The following PTPRT variants were observed in gnomAD, a reference collection of about 807,000 sequenced individuals.
PTPRT encodes the protein receptor-type tyrosine-protein phosphatase T.
Under a neutral mutation model 176.8 loss-of-function variants are expected in PTPRT, and 56 were observed. That is an observed-to-expected ratio of 0.32 (90% CI 0.26 to 0.40). The LOEUF (loss-of-function observed/expected upper bound fraction) is 0.40. Among genes scored for constraint, PTPRT ranks in the 10% least tolerant of loss-of-function variants. PTPRT has a pLI of 1.00. For synonymous variants in PTPRT, 783 were observed against 739.0 expected (o/e 1.06, Z -0.96); for missense variants, 1,540 against 1,908.2 (o/e 0.81, Z 3.60).
chr20:42,201,013 A>G (rs1991426169), intron 15 of PTPRT, among the ~76,000 whole-genome samples: 1 of 152,244 alleles, frequency 6.6e-6, no homozygotes, highest in Non-Finnish European at 1.5e-5. Context: ...GTATAAAAGG[A>G]AAGGATAAAC....
At chr20:42,185,116 C>T (rs1042791745) in intron 16 of PTPRT, among the ~76,000 whole-genome samples, 1 of 152,128 alleles carries the variant, frequency 6.6e-6, no homozygotes, top group Admixed American at 6.6e-5. Flanking sequence ...GCTGCCAGGA[C>T]AAGTGGTGTG....
intron 19 of PTPRT, among the ~76,000 whole-genome samples, chr20:42,120,448 T>C (rs141998105): frequency 3.3e-5 from 5 of 152,272 alleles, no homozygotes; most frequent in Non-Finnish European, 7.3e-5. Context: ...AAAAAGAAAA[T>C]TGAGAAGCAT....
In PTPRT at chr20:42,918,761, G is replaced by A. The variant is rs143969663; in HGVS notation, c.89-32829C>T. ...TTTATGAGGCATGCTGCAATCAGGGGTCAGACAGTGCTTGCCCAGATGAAA... is the reference window on the plus strand; with the variant it reads ...TTTATGAGGCATGCTGCAATCAGGGATCAGACAGTGCTTGCCCAGATGAAA... On this transcript the variant is annotated intron_variant, in intron 1 of 30. Coordinates refer to ENST00000373187, the MANE Select transcript of PTPRT (RefSeq NM_007050.6). Among the ~76,000 whole-genome samples the A allele has an allele frequency of 4.5e-3, 679 of 152,288 alleles. 7 individuals carry two copies. Among genetic ancestry groups the A allele is most frequent in the African/African-American group, 0.016 (660 of 41,554 alleles).
intron 1 of PTPRT, among the ~76,000 whole-genome samples, chr20:42,935,321 G>A (rs147966729): frequency 5.6e-4 from 85 of 151,800 alleles, no homozygotes; most frequent in African/African-American, 2.0e-3. Context: ...TAAATTTTTT[G>A]TAAAGACAAG....
intron 7 of PTPRT, among the ~76,000 whole-genome samples, chr20:42,622,923 G>T (rs1316188882): frequency 1.3e-5 from 2 of 152,124 alleles, no homozygotes; most frequent in Non-Finnish European, 1.5e-5. Flanking sequence ...CATCCAAAAA[G>T]TTGCCTTTTG....
At chr20:42,225,656 T>A (rs2055990256) in intron 15 of PTPRT, among the ~76,000 whole-genome samples, 1 of 152,178 alleles carries the variant, frequency 6.6e-6, no homozygotes, top group Admixed American at 6.5e-5. Flanking sequence ...TGTCATTTTT[T>A]ATTTATTTAT....
chr20:42,538,566 C>T (rs6130158), intron 7 of PTPRT, among the ~76,000 whole-genome samples: 20,816 of 152,092 alleles, frequency 0.14, 1,520 homozygotes, highest in Non-Finnish European at 0.16. Flanking sequence ...ATTAATTGGC[C>T]GCTCAGAAAT....
chr20:43,122,663 C>G lies in PTPRT; in HGVS notation c.88+66983G>C, dbSNP rs188344833. Among the ~76,000 whole-genome samples the G allele has an allele frequency of 7.2e-5, 11 of 152,318 alleles. No individual in the cohort carries two copies. The East Asian group carries it at 2.1e-3, about 29-fold the overall frequency. ...CCTTGGGCCTCCCCCTTCTCTCTCTCTTGCTCCCATTCTCACCATGTGATA... is the reference window on the plus strand; with the variant it reads ...CCTTGGGCCTCCCCCTTCTCTCTCTGTTGCTCCCATTCTCACCATGTGATA... On this transcript the variant is annotated intron_variant, in intron 1 of 30. Transcript: ENST00000373187.
chr20:42,923,774 C>T (rs1979308734), intron 1 of PTPRT, among the ~76,000 whole-genome samples: 1 of 152,190 alleles, frequency 6.6e-6, no homozygotes, highest in Non-Finnish European at 1.5e-5. Flanking sequence ...GCCAGGGCCT[C>T]TTGGGCCAGC....
chr20:42,658,346 T>G (rs1218524364), intron 7 of PTPRT, among the ~76,000 whole-genome samples: 1 of 152,208 alleles, frequency 6.6e-6, no homozygotes, highest in Non-Finnish European at 1.5e-5. Context: ...TCATTTAATA[T>G]ACCTATTTTC....
intron 7 of PTPRT, among the ~76,000 whole-genome samples, chr20:42,637,393 C>T (rs2074627753): frequency 6.6e-6 from 1 of 152,114 alleles, no homozygotes; most frequent in African/African-American, 2.4e-5. Context: ...TAGCACCACT[C>T]AAGGCTCATT....
intron 12 of PTPRT, among the ~76,000 whole-genome samples, chr20:42,285,934 C>T (rs1038214888): frequency 6.6e-6 from 1 of 151,828 alleles, no homozygotes; most frequent in African/African-American, 2.4e-5. Context: ...TGTTTCTATA[C>T]ATGAACAATA....
rs925962334 is a variant in PTPRT at position 42,868,100 on chromosome 20, T to C, written c.214+17707A>G. On this transcript the variant is annotated intron_variant, in intron 2 of 30. Transcript: ENST00000373187. The stretch of plus-strand genomic sequence containing the variant: ...TAAAATGTGGAAGTGGCTTTAGAAA[T>C]GGGTAATGAGTAGAAGCTGGAAGAC... 4.6e-5 allele frequency among the ~76,000 whole-genome samples: 7 copies of C among 151,908 alleles called. No individual in the cohort carries two copies. In the East Asian group the frequency reaches 1.2e-3, roughly 25 times the overall value.
chr20:42,059,393 C>A, the PTPRT span, among the ~76,000 whole-genome samples: 2 of 152,104 alleles, frequency 1.3e-5, no homozygotes, highest in South Asian at 2.1e-4. Flanking sequence ...GACTGAGGGA[C>A]CTCATAGGAA....
At chr20:42,510,226 C>T (rs1206556217) in intron 7 of PTPRT, among the ~76,000 whole-genome samples, 1 of 151,996 alleles carries the variant, frequency 6.6e-6, no homozygotes, top group Non-Finnish European at 1.5e-5. Context: ...CAATACCTAA[C>T]CCCCCTTGAA....
intron 1 of PTPRT, among the ~76,000 whole-genome samples, chr20:43,099,424 C>T (rs1011041711): frequency 5.3e-5 from 8 of 152,164 alleles, no homozygotes; most frequent in African/African-American, 1.9e-4. Context: ...ATGGACCCCA[C>T]ACACAAGTCT....
chr20:43,139,458 T>C (rs557751540), intron 1 of PTPRT, among the ~76,000 whole-genome samples: 1 of 152,318 alleles, frequency 6.6e-6, no homozygotes, highest in South Asian at 2.1e-4. Flanking sequence ...CACCAGACCT[T>C]GTTTAGTATT....
chr20:42,654,200 C>G (rs1250490839), intron 7 of PTPRT, among the ~76,000 whole-genome samples: 2 of 151,902 alleles, frequency 1.3e-5, no homozygotes, highest in Non-Finnish European at 2.9e-5. Flanking sequence ...CATTGCTGTC[C>G]CATAGAGAAT....
At chr20:42,605,720 G>T (rs1341833357) in intron 7 of PTPRT, among the ~76,000 whole-genome samples, 1 of 152,186 alleles carries the variant, frequency 6.6e-6, no homozygotes, top group Admixed American at 6.5e-5. Context: ...ATGCTGCTGT[G>T]GGGAGGAATG....
Sources: gnomAD v4.1 joint callset for allele counts (sites outside exome capture counted in the v4.1 genomes callset) on GRCh38, gnomAD v4.1.1 for gene constraint, MANE v1.5 for transcripts, NCBI Gene and HGNC (gene_info 2026-07-23, HGNC 2026-07-21) for gene names.